FER: variants seen among roughly 807,000 people sequenced by gnomAD.
The protein encoded by FER is tyrosine-protein kinase Fer.
Under a neutral mutation model 111.0 loss-of-function variants are expected in FER, and 63 were observed. The observed-to-expected ratio is 0.57, with a 90% CI of 0.46 to 0.70. The LOEUF (loss-of-function observed/expected upper bound fraction) is 0.70. Among genes scored for constraint, FER ranks in the 30% least tolerant of loss-of-function variants. The pLI is 0.00. For synonymous variants in FER, 327 were observed against 313.9 expected, an observed-to-expected ratio of 1.04 and a Z score of -0.44; for missense variants, 914 against 954.0, an observed-to-expected ratio of 0.96 and a Z score of 0.55.
chr5:109,035,129 G>A (rs1025697752), intron 13 of FER, among the ~76,000 whole-genome samples: 5 of 150,996 alleles, frequency 3.3e-5, no homozygotes, highest in Non-Finnish European at 5.9e-5. Flanking sequence ...TGCTTCCCGG[G>A]TTCAAGCGAT....
intron 8 of FER, among the ~76,000 whole-genome samples, chr5:108,879,701 A>AATATATATATATAT (rs1554084618): frequency 8.3e-4 from 82 of 99,084 alleles, no homozygotes; most frequent in African/African-American, 2.5e-3. Context: ...ATTAAAAAAA[A>AATATATATATATAT]ATATATATAT....
chr5:108,955,591 C>T (rs1318933984), intron 12 of FER, among the ~76,000 whole-genome samples: 2 of 151,744 alleles, frequency 1.3e-5, no homozygotes, highest in Admixed American at 1.3e-4. Flanking sequence ...AGAGTAATTT[C>T]AAAATTTAGC....
At position 108,947,387 on chromosome 5, in the gene FER, G is replaced by A. The variant is rs561452634; in HGVS notation, c.1329+1165G>A. 3.3e-5 allele frequency among the ~76,000 whole-genome samples: 5 copies of A among 151,906 alleles called. No individual in the cohort carries two copies. The South Asian group carries it at 1.0e-3, about 32-fold the overall frequency. On this transcript the variant is annotated intron_variant, in intron 11 of 19. Transcript: ENST00000281092. ...TATTTTAAATGTTTTCATGTTACAG[G>A]CATTCTAGTGGGCGTGAAGTAGTAT...
At chr5:108,849,173 A>C (rs565688898) in intron 5 of FER, among the ~76,000 whole-genome samples, 1 of 151,918 alleles carries the variant, frequency 6.6e-6, no homozygotes, top group Non-Finnish European at 1.5e-5. Context: ...AGCTTCTTGT[A>C]TTTGAGTTTT....
At chr5:108,945,964 A>G (rs1468303084) in intron 10 of FER, among the ~76,000 whole-genome samples, 166 bp from the exon 11 acceptor site, 1 of 152,010 alleles carries the variant, frequency 6.6e-6, no homozygotes, top group Non-Finnish European at 1.5e-5. Context: ...AATGCTATAG[A>G]GTTTATGTGT....
chr5:109,123,506 T>C (rs1173610693), intron 17 of FER, among the ~76,000 whole-genome samples: 1 of 152,078 alleles, frequency 6.6e-6, no homozygotes, highest in Non-Finnish European at 1.5e-5. Context: ...TCTGGTGCTA[T>C]ATTTTAATTT....
chr5:108,966,751 G>A lies in FER; in HGVS notation c.1656+7404G>A, dbSNP rs1180049641. 2.0e-5 allele frequency among the ~76,000 whole-genome samples: 3 copies of A among 151,990 alleles called. No individual in the cohort carries two copies. The East Asian group carries it at 5.8e-4, about 29-fold the overall frequency. ...GCATTTCTACAAATGTACTTTTGTA[G>A]AAATGTACAACAAAATGTACAATAT... On this transcript the variant is annotated intron_variant, in intron 13 of 19. Transcript: ENST00000281092.
At chr5:109,116,432 AAAAAAAAAATG>A (rs1210021169) in intron 17 of FER, among the ~76,000 whole-genome samples, 1 of 151,928 alleles carries the variant, frequency 6.6e-6, no homozygotes, top group Non-Finnish European at 1.5e-5. Flanking sequence ...CCGCCAAAAA[AAAAAAAAAATG>A]AAAAAAAATA....
chr5:108,977,664 A>T (rs2149713342), intron 13 of FER, among the ~76,000 whole-genome samples: 1 of 152,300 alleles, frequency 6.6e-6, no homozygotes, highest in Non-Finnish European at 1.5e-5. Flanking sequence ...ATAAAAACAT[A>T]TTTGGAATGT....
chr5:108,774,170 G>T (rs1046533672), intron 2 of FER, among the ~76,000 whole-genome samples: 5 of 151,996 alleles, frequency 3.3e-5, no homozygotes, highest in African/African-American at 1.2e-4. Flanking sequence ...TTCTGTTCCT[G>T]TGTTAGTTTG....
chr5:108,938,024 T>A (rs537463209), intron 10 of FER, among the ~76,000 whole-genome samples: 3,921 of 77,372 alleles, frequency 0.051, 95 homozygotes, highest in African/African-American at 0.12. Flanking sequence ...CCTATCTCTC[T>A]CTCACACACA....
At chr5:109,022,082 T>G (rs538397180) in intron 13 of FER, among the ~76,000 whole-genome samples, 2 of 152,106 alleles carry the variant, frequency 1.3e-5, no homozygotes, top group Non-Finnish European at 2.9e-5. Flanking sequence ...AGTTACACCC[T>G]CCCTACAGTT....
intron 13 of FER, among the ~76,000 whole-genome samples, chr5:108,993,131 C>T (rs1315567012): frequency 4.0e-5 from 6 of 151,332 alleles, no homozygotes; most frequent in South Asian, 2.1e-4. Context: ...ACTTCCCAGA[C>T]GGGGTGGCGG....
chr5:109,189,248 G>A lies in FER; in HGVS notation c.*1673G>A, dbSNP rs1483649096. ...AGGATAAATGCATATATAGAAGATG[G>A]TCATGCTCAGGGCTAAATATGTTCT... is the stretch of plus-strand genomic sequence containing the variant. On this transcript the variant is annotated 3_prime_UTR_variant, in exon 20 of 20. Coordinates refer to ENST00000281092, the MANE Select transcript of FER (RefSeq NM_005246.4). 4 of 149,828 alleles carry A rather than the reference G, an allele frequency of 2.7e-5. No individual in the cohort carries two copies. The highest frequency in any genetic ancestry group is 4.5e-5 in the Non-Finnish European group (3 of 67,114). The allele number at this position is 149,828 out of a possible 1,614,324, so 9.3% of individuals were successfully genotyped here.
intron 10 of FER, among the ~76,000 whole-genome samples, chr5:108,914,020 A>G (rs1751912345): frequency 6.6e-6 from 1 of 152,198 alleles, no homozygotes; most frequent in South Asian, 2.1e-4. Context: ...GAAAGGGGCC[A>G]CACAAGACAC....
At chr5:109,179,655 A>G (rs773979765) in intron 17 of FER, among the ~76,000 whole-genome samples, 3 of 152,292 alleles carry the variant, frequency 2.0e-5, no homozygotes, top group Admixed American at 6.5e-5. Context: ...TGTACTAAAC[A>G]TACAAACTTC....
chr5:108,912,605 C>T (rs552298577), intron 10 of FER, among the ~76,000 whole-genome samples: 1 of 152,260 alleles, frequency 6.6e-6, no homozygotes, highest in African/African-American at 2.4e-5. Flanking sequence ...AGGTGATCCA[C>T]CTGCCTCGAC....
At chr5:109,078,337 TA>T (rs1359072058) in intron 16 of FER, among the ~76,000 whole-genome samples, 2 of 152,164 alleles carry the variant, frequency 1.3e-5, no homozygotes, top group Non-Finnish European at 2.9e-5. Flanking sequence ...TAGCCAGAAA[TA>T]TTTTTTATCC....
rs554924837 is a variant in FER at position 109,094,575 on chromosome 5, G to A, written c.1925-5821G>A. Among the ~76,000 whole-genome samples, 5 of 151,960 alleles carry A rather than the reference G, an allele frequency of 3.3e-5. No homozygotes were observed. The East Asian group carries it at 5.8e-4, about 18-fold the overall frequency. On this transcript the variant is annotated intron_variant, in intron 16 of 19. Coordinates refer to ENST00000281092, the MANE Select transcript of FER (RefSeq NM_005246.4). ...GTGGTTGACAAATTTTTTTTATAAC[G>A]GGCCAGATAATAAAATGTTAAGGTT...
Sources: allele counts gnomAD v4.1 joint callset (sites outside exome capture counted in the v4.1 genomes callset), GRCh38; gene constraint gnomAD v4.1.1; transcripts MANE v1.5; gene names NCBI Gene and HGNC (gene_info 2026-07-23, HGNC 2026-07-21).